The following LAMA3 variants were observed in gnomAD, a reference collection of about 807,000 sequenced individuals.
LAMA3 encodes laminin subunit alpha-3.
LAMA3 carries 281 observed loss-of-function variants against 402.0 expected under a neutral mutation model. That is an observed-to-expected ratio of 0.70 (90% confidence interval 0.63 to 0.77). The LOEUF (loss-of-function observed/expected upper bound fraction) is 0.77. LAMA3 is among the 30% of genes least tolerant of loss of function. LAMA3 has a pLI of 0.00. For missense variants in LAMA3, 3,840 were observed against 4,215.5 expected, an observed-to-expected ratio of 0.91 and a Z score of 2.47; for synonymous variants, 1,431 against 1,558.4, an observed-to-expected ratio of 0.92 and a Z score of 1.93.
intron 27 of LAMA3, among the ~76,000 whole-genome samples, chr18:23,840,444 A>C (rs1481995099): frequency 1.5e-5 from 2 of 131,340 alleles, no homozygotes; most frequent in Non-Finnish European, 3.1e-5. Context: ...GTGCAGTGGC[A>C]TGATCATGGC....
At chr18:23,829,609 C>T (rs2063454930) in intron 23 of LAMA3, among the ~76,000 whole-genome samples, 1 of 152,158 alleles carries the variant, frequency 6.6e-6, no homozygotes, top group East Asian at 1.9e-4. Context: ...TTCCCAAATT[C>T]CATAGCTTCT....
rs766885398 is a variant in LAMA3 at position 23,912,723 on chromosome 18, A to G, written c.7171A>G (p.Met2391Val). ...RDAASKVAVP[M>V]RFNGKSGVEV... ...TTACTCCTCACAGGTTGCTGTCCCCATGAGGTTCAATGGTAAATCTGGAGT... is the reference window on the plus strand; with the variant it reads ...TTACTCCTCACAGGTTGCTGTCCCCGTGAGGTTCAATGGTAAATCTGGAGT... The change falls in exon 56 of 75, where the codon ATG becomes GTG. Residue 2391 changes from methionine (M) to valine (V), a missense_variant. Transcript: ENST00000313654. 3 of 1,613,994 alleles carry G rather than the reference A, an allele frequency of 1.9e-6. No homozygotes were observed. The highest frequency in any genetic ancestry group is 3.3e-5 in the Admixed American group (2 of 60,034).
At chr18:23,921,639 G>A (rs2081843467) in intron 62 of LAMA3, 54 bp downstream of exon 62, 2 of 1,588,028 alleles carry the variant, frequency 1.3e-6, no homozygotes, top group Non-Finnish European at 8.6e-7. Context: ...GGTTATGATT[G>A]TGACCAAAAA....
At chr18:23,810,236 A>G (rs1000339951) in intron 12 of LAMA3, 130 bp from the exon 13 acceptor site, 3 of 1,086,548 alleles carry the variant, frequency 2.8e-6, no homozygotes, top group African/African-American at 3.1e-5. Context: ...TCCCGATCTC[A>G]TAAGAAGTGG....
At position 23,904,572 on chromosome 18, in the gene LAMA3, G is replaced by A. The variant is rs139817728; in HGVS notation, c.6493G>A (p.Gly2165Arg). ...TTCCAGGATCAAGAGAAACGCCAGCGGGGATGAGCTGGTGCGCTGTGCTGT... is the reference window on the plus strand; with the variant it reads ...TTCCAGGATCAAGAGAAACGCCAGCAGGGATGAGCTGGTGCGCTGTGCTGT... ...QLEEIKRNAS[G>R]DELVRCAVDA... Residue 2165 changes from glycine (G) to arginine (R), a missense_variant, in exon 51 of 75, where the codon GGG becomes AGG. By Grantham distance (125) the Gly-to-Arg change is moderately radical. This residue lies in a region of LAMA3 where 891 missense variants were observed against 857.5 expected (regional missense o/e 1.04). Transcript: ENST00000313654. The A allele has an allele frequency of 2.1e-5, 33 of 1,602,980 alleles. No homozygotes were observed. In the African/African-American group the frequency reaches 2.9e-4, roughly 14 times the overall value.
intron 32 of LAMA3, among the ~76,000 whole-genome samples, chr18:23,852,109 G>A (rs1367328332): frequency 6.6e-6 from 1 of 152,106 alleles, no homozygotes; most frequent in Non-Finnish European, 1.5e-5. Flanking sequence ...CCTTTCCATG[G>A]CTGTCTACAG....
At chr18:23,761,814 T>C (rs531947673) in intron 7 of LAMA3, among the ~76,000 whole-genome samples, 2 of 152,390 alleles carry the variant, frequency 1.3e-5, no homozygotes, top group South Asian at 4.1e-4. Context: ...GAATTAATAC[T>C]ATTTAAATAC....
chr18:23,827,243 A>T, intron 22 of LAMA3, 71 bp from the exon 23 acceptor site: 1 of 1,465,866 alleles, frequency 6.8e-7, no homozygotes, highest in African/African-American at 1.4e-5. Context: ...GTCTTTGGGG[A>T]TGTACTTTGA....
At chr18:23,875,103 GATCCAC>G (rs770497219) in intron 38 of LAMA3, among the ~76,000 whole-genome samples, 1 of 152,122 alleles carries the variant, frequency 6.6e-6, no homozygotes, top group Non-Finnish European at 1.5e-5. Flanking sequence ...GGGCTCAAGT[GATCCAC>G]CCGCCTCGGC....
rs1032096064 is a variant in LAMA3, at chr18:23,924,636, C to A, written c.8177+3051C>A. Among the ~76,000 whole-genome samples the A allele has an allele frequency of 8.6e-5, 13 of 151,402 alleles. No homozygotes were observed. In the East Asian group the frequency reaches 2.1e-3, roughly 25 times the overall value. On this transcript the variant is annotated intron_variant, in intron 62 of 74. Coordinates refer to ENST00000313654, the MANE Select transcript of LAMA3 (RefSeq NM_198129.4). ...CTCGGCTTACTGCAACCTCCACCTC[C>A]CGGGTTCAAGCAATTCTCCTGCCTC...
intron 1 of LAMA3, chr18:23,709,864 C>T: frequency 1.4e-6 from 1 of 718,428 alleles, no homozygotes; most frequent in Non-Finnish European, 2.5e-6. Context: ...GCATTGTAAT[C>T]AGGAGCCAGT....
At chr18:23,825,411 A>T (rs541665728) in intron 21 of LAMA3, among the ~76,000 whole-genome samples, 1 of 152,296 alleles carries the variant, frequency 6.6e-6, no homozygotes, top group South Asian at 2.1e-4. Flanking sequence ...TTCAGGCACA[A>T]CCCTGTTTAT....
chr18:23,914,337 A>G lies in LAMA3; in HGVS notation c.7330-73A>G. 3.9e-6 allele frequency: 6 copies of G among 1,531,402 alleles called. No homozygotes were observed. In the South Asian group the frequency reaches 6.7e-5, roughly 17 times the overall value. 94.9% of individuals were successfully genotyped at this position (1,531,402 alleles called of 1,614,324 possible). On this transcript the variant is annotated intron_variant, in intron 56 of 74. Coordinates refer to ENST00000313654, the MANE Select transcript of LAMA3 (RefSeq NM_198129.4). ...AAAACCCATTAGTTATTTGAAATGC[A>G]TCCTCATCCTCTTGGGATGGGAATT...
intron 32 of LAMA3, among the ~76,000 whole-genome samples, chr18:23,854,637 T>C (rs1475746555): frequency 6.9e-6 from 1 of 145,428 alleles, no homozygotes; most frequent in Non-Finnish European, 1.5e-5. Context: ...CGAGACTCTG[T>C]CTCAAAAAAA....
intron 51 of LAMA3, 27 bp from the exon 52 acceptor site, chr18:23,905,495 T>A (rs757077368): frequency 8.0e-7 from 1 of 1,247,100 alleles, no homozygotes; most frequent in East Asian, 2.3e-5. Context: ...AGCATTTGTT[T>A]AAGGCTGTTA....
At chr18:23,870,088 A>G (rs748953746) in intron 37 of LAMA3, among the ~76,000 whole-genome samples, 1 of 152,010 alleles carries the variant, frequency 6.6e-6, no homozygotes, top group Non-Finnish European at 1.5e-5. Context: ...GCAGATCATG[A>G]GGTCAGGAGT....
intron 30 of LAMA3, 77 bp from the exon 31 acceptor site, chr18:23,846,220 G>A: frequency 7.3e-7 from 1 of 1,365,782 alleles, no homozygotes. Context: ...GGGTGGAGCA[G>A]GTGGTAAAGG....
intron 72 of LAMA3, among the ~76,000 whole-genome samples, chr18:23,951,219 A>G (rs977395695): frequency 7.2e-5 from 11 of 152,220 alleles, no homozygotes; most frequent in African/African-American, 1.9e-4. Flanking sequence ...AGCAAACTCA[A>G]TCATTTTGCT....
chr18:23,901,638 C>T (rs766149297), intron 48 of LAMA3, among the ~76,000 whole-genome samples: 2 of 152,196 alleles, frequency 1.3e-5, no homozygotes, highest in African/African-American at 2.4e-5. Context: ...ATAATTAATT[C>T]AAAGTATATA....
Sources: gnomAD v4.1 joint callset for allele counts (sites outside exome capture counted in the v4.1 genomes callset) on GRCh38, gnomAD v4.1.1 for gene constraint, gnomAD v4.1.1 regional missense constraint, MANE v1.5 for transcripts, NCBI Gene and HGNC (gene_info 2026-07-23, HGNC 2026-07-21) for gene names.